CNTNAP2: variants seen among roughly 807,000 people sequenced by gnomAD.
CNTNAP2 encodes the protein contactin associated protein 2.
In CNTNAP2, 98 loss-of-function variants were observed where a neutral mutation model predicts 155.2. The ratio of observed to expected loss-of-function variants is 0.63; its 90% CI spans 0.54 to 0.75. CNTNAP2 has a LOEUF of 0.75. CNTNAP2 is among the 30% of genes least tolerant of loss of function. The probability of loss-of-function intolerance (pLI) is 0.00; values close to 1 mark genes in which losing one functional copy is unlikely to be tolerated. For missense variants in CNTNAP2, 1,727 were observed against 1,688.1 expected (o/e 1.02, Z -0.40); for synonymous variants, 651 against 631.2 (o/e 1.03, Z -0.47).
chr7:146,419,621 C>G (rs1795984213), intron 1 of CNTNAP2, among the ~76,000 whole-genome samples: 1 of 152,014 alleles, frequency 6.6e-6, no homozygotes. Context: ...GTTGAATAGA[C>G]ATTTTTCAAA....
chr7:146,473,977 A>C (rs1796836737), intron 1 of CNTNAP2, among the ~76,000 whole-genome samples: 1 of 152,204 alleles, frequency 6.6e-6, no homozygotes, highest in South Asian at 2.1e-4. Context: ...TGTCAGTCAG[A>C]ATCTGACCTA....
At chr7:146,542,619 T>C (rs1797968989) in intron 1 of CNTNAP2, among the ~76,000 whole-genome samples, 1 of 151,900 alleles carries the variant, frequency 6.6e-6, no homozygotes, top group Admixed American at 6.6e-5. Context: ...TCCTGTGATA[T>C]GCATTCTCCC....
chr7:147,732,872 G>A (rs535618720), intron 13 of CNTNAP2, among the ~76,000 whole-genome samples: 63 of 152,296 alleles, frequency 4.1e-4, no homozygotes, highest in African/African-American at 1.5e-3. Context: ...CCCACTTGTT[G>A]ATGGGGTTGT....
intron 1 of CNTNAP2, among the ~76,000 whole-genome samples, chr7:146,597,489 C>G (rs1287849666): frequency 6.6e-6 from 1 of 151,948 alleles, no homozygotes; most frequent in Non-Finnish European, 1.5e-5. Context: ...TACACAGGCA[C>G]ATGTATAAGT....
intron 1 of CNTNAP2, among the ~76,000 whole-genome samples, chr7:146,711,134 A>G (rs777321748): frequency 1.3e-5 from 2 of 151,300 alleles, no homozygotes; most frequent in African/African-American, 4.8e-5. Context: ...ACACACACAC[A>G]TATATGTGTG....
chr7:147,884,304 C>A (rs1384416971), intron 13 of CNTNAP2, among the ~76,000 whole-genome samples: 1 of 152,084 alleles, frequency 6.6e-6, no homozygotes, highest in East Asian at 1.9e-4. Context: ...TGCATCCAGG[C>A]AGGTTATAAA....
At chr7:146,207,647 T>TG (rs922022243) in intron 1 of CNTNAP2, among the ~76,000 whole-genome samples, 3 of 151,022 alleles carry the variant, frequency 2.0e-5, no homozygotes, top group Non-Finnish European at 3.0e-5. Flanking sequence ...GTTTTTTTTT[T>TG]TTTTTTTTTT....
At chr7:147,600,061 G>A (rs1032873264) in intron 12 of CNTNAP2, among the ~76,000 whole-genome samples, 20 of 152,144 alleles carry the variant, frequency 1.3e-4, no homozygotes, top group African/African-American at 4.8e-4. Context: ...AATGACAAAT[G>A]GTTGTCAAGT....
In CNTNAP2 at chr7:147,742,548, T is replaced by C. The variant is rs376223206; in HGVS notation, c.2098+103242T>C. ...AAGAAGGCATATCTTTCTTTCCTTT[T>C]CTCTGCAATATTCTTCTCTTTAATG... On this transcript the variant is annotated intron_variant, in intron 13 of 23. Transcript: ENST00000361727. Among the ~76,000 whole-genome samples, 14 of 152,344 alleles carry C rather than the reference T, an allele frequency of 9.2e-5. No individual in the cohort carries two copies. The East Asian group carries it at 2.3e-3, about 25-fold the overall frequency.
chr7:147,345,863 T>C (rs530544117), intron 9 of CNTNAP2, among the ~76,000 whole-genome samples: 28 of 152,192 alleles, frequency 1.8e-4, no homozygotes, highest in Non-Finnish European at 4.0e-4. Context: ...CACATAGTTA[T>C]TTTGTAGCAA....
At chr7:146,420,407 C>G (rs1164917957) in intron 1 of CNTNAP2, among the ~76,000 whole-genome samples, 1 of 152,012 alleles carries the variant, frequency 6.6e-6, no homozygotes, top group Non-Finnish European at 1.5e-5. Context: ...TGAGTCTTGC[C>G]CATATTTACC....
chr7:148,122,398 T>G (rs1170019502), intron 16 of CNTNAP2, among the ~76,000 whole-genome samples: 1 of 152,048 alleles, frequency 6.6e-6, no homozygotes, highest in Non-Finnish European at 1.5e-5. Context: ...TAAATTTTGA[T>G]GGATAAGTAG....
chr7:147,441,844 T>TCTCTCTCTCTCC (rs1797643592), intron 10 of CNTNAP2, among the ~76,000 whole-genome samples: 1 of 132,312 alleles, frequency 7.6e-6, no homozygotes, highest in Non-Finnish European at 1.7e-5. Context: ...TCTCTCTCTC[T>TCTCTCTCTCTCC]CTCTCTCCCT....
intron 11 of CNTNAP2, among the ~76,000 whole-genome samples, chr7:147,534,039 TTTAG>T (rs1799493464): frequency 6.6e-6 from 1 of 152,212 alleles, no homozygotes; most frequent in African/African-American, 2.4e-5. Context: ...CTTTCTGGCT[TTTAG>T]AATTTACGCA....
At chr7:146,337,203 T>C (rs1217386276) in intron 1 of CNTNAP2, among the ~76,000 whole-genome samples, 1 of 152,080 alleles carries the variant, frequency 6.6e-6, no homozygotes, top group East Asian at 1.9e-4. Flanking sequence ...GCTTAAATGT[T>C]AGCACTTACA....
At chr7:148,039,535 G>T (rs902343503) in intron 15 of CNTNAP2, among the ~76,000 whole-genome samples, 17 of 152,066 alleles carry the variant, frequency 1.1e-4, no homozygotes, top group Non-Finnish European at 1.9e-4. Flanking sequence ...CAGCAACTGG[G>T]CACCAAAAAC....
At chr7:146,732,621 T>A (rs971792729) in intron 1 of CNTNAP2, among the ~76,000 whole-genome samples, 8 of 152,122 alleles carry the variant, frequency 5.3e-5, no homozygotes, top group Admixed American at 3.9e-4. Context: ...AACCATTCTT[T>A]AACACTGATT....
At chr7:147,943,765 T>TAA (rs1800769608) in intron 14 of CNTNAP2, among the ~76,000 whole-genome samples, 1 of 20,008 alleles carries the variant, frequency 5.0e-5, no homozygotes, top group African/African-American at 1.7e-4. Context: ...AGACCCCGTC[T>TAA]CAAAAAAAAA....
chr7:146,119,148 A>G (rs1797527742), intron 1 of CNTNAP2, among the ~76,000 whole-genome samples: 1 of 152,128 alleles, frequency 6.6e-6, no homozygotes, highest in Non-Finnish European at 1.5e-5. Context: ...ACATGAATCT[A>G]AGATAATGAG....
Sources: allele counts gnomAD v4.1 joint callset (sites outside exome capture counted in the v4.1 genomes callset), GRCh38; gene constraint gnomAD v4.1.1; transcripts MANE v1.5; gene names NCBI Gene and HGNC (gene_info 2026-07-23, HGNC 2026-07-21).